TNFRSF6B: variants seen among roughly 807,000 people sequenced by gnomAD.
TNFRSF6B encodes tumor necrosis factor receptor superfamily member 6B.
In TNFRSF6B, 23 loss-of-function variants were observed where a neutral mutation model predicts 17.9. The observed-to-expected ratio is 1.28, with a 90% CI of 0.92 to 1.82. The LOEUF is 1.82. Among genes scored for constraint, TNFRSF6B ranks in the 40% most tolerant of loss-of-function variants. The probability of loss-of-function intolerance (pLI) is 0.00; values close to 1 mark genes in which losing one functional copy is unlikely to be tolerated. For missense variants in TNFRSF6B, 555 were observed against 437.2 expected (o/e 1.27, Z -2.40); for synonymous variants, 291 against 195.8 (o/e 1.49, Z -4.06).
At position 63,697,190 on chromosome 20, in the gene TNFRSF6B, G is replaced by C; in HGVS notation, c.423G>C (p.Pro141=). 1.3e-6 allele frequency: 2 copies of C among 1,558,242 alleles called. No individual in the cohort carries two copies. Among genetic ancestry groups the C allele is most frequent in the African/African-American group, 1.4e-5 (1 of 73,698 alleles). ...CACCTGGTGCCGGCGTGATTGCCCC[G>C]GGTGAGAGCTGGGCGAGGGGAGGGG... The part of the protein sequence containing the change: ...SCPPGAGVIA[P]GTPSQNTQCQ... The change falls in exon 1 of 3, where the codon CCG becomes CCC. Residue 141 remains proline (P), a splice_region_variant and synonymous_variant. Coordinates refer to ENST00000369996, the MANE Select transcript of TNFRSF6B (RefSeq NM_003823.4).
Position 63,696,872 on chromosome 20 carries a change from C to T in TNFRSF6B, c.105C>T (p.Thr35=). The change falls in exon 1 of 3, where the codon ACC becomes ACT. Residue 35 remains threonine (T), a synonymous_variant. Coordinates refer to ENST00000369996, the MANE Select transcript of TNFRSF6B (RefSeq NM_003823.4). ...TACGCGGAGTGGCAGAAACACCCAC[C>T]TACCCCTGGCGGGACGCAGAGACAG... ...PAVRGVAETP[T]YPWRDAETGE... is the part of the protein sequence containing the mutation. 2 of 1,611,840 alleles carry T rather than the reference C, an allele frequency of 1.2e-6. No individual in the cohort carries two copies. Among genetic ancestry groups the T allele is most frequent in the South Asian group, 1.1e-5 (1 of 90,976 alleles).
intron 2 of TNFRSF6B, 73 bp downstream of exon 2, chr20:63,697,595 G>A (rs911153471): frequency 8.0e-5 from 114 of 1,427,206 alleles, no homozygotes; most frequent in Non-Finnish European, 9.7e-5. Flanking sequence ...GCCCCTGCAC[G>A]TGCATCTAGC....
In TNFRSF6B at chr20:63,698,670, A is replaced by C; in HGVS notation, c.*107A>C. On this transcript the variant is annotated 3_prime_UTR_variant, in exon 3 of 3. Transcript: ENST00000369996. ...GGTTTCTTAAAGCTTATTTTTATAA[A>C]GCTTTTTCATAAAACTGGTTGTAGT... 1 of 1,295,704 alleles carries C rather than the reference A, an allele frequency of 7.7e-7. No homozygotes were observed. Among genetic ancestry groups the C allele is most frequent in the East Asian group, 3.1e-5 (1 of 32,222 alleles). The allele number at this position is 1,295,704 out of a possible 1,614,324, so 80.3% of individuals were successfully genotyped here.
In TNFRSF6B at chr20:63,697,421, A is replaced by G. The variant is rs766896651; in HGVS notation, c.518A>G (p.Asn173Ser). 18 of 1,609,578 alleles carry G rather than the reference A, an allele frequency of 1.1e-5. No homozygotes were observed. The highest frequency in any genetic ancestry group is 1.4e-5 in the Non-Finnish European group (17 of 1,178,796). Residue 173 changes from asparagine (N) to serine (S), a missense_variant, in exon 2 of 3, where the codon AAC becomes AGC. Physicochemically the swap from Asn to Ser is conservative, Grantham distance 46 (BLOSUM62 1). Transcript: ENST00000369996. The stretch of plus-strand genomic sequence containing the variant: ...TCAGAGCAGTGCCAGCCCCACCGCA[A>G]CTGCACGGCCCTGGGCCTGGCCCTC... ...SSSEQCQPHR[N>S]CTALGLALNV...
intron 2 of TNFRSF6B, 133 bp from the exon 3 acceptor site, chr20:63,698,147 C>T (rs1467543256): frequency 2.5e-6 from 3 of 1,195,118 alleles, no homozygotes; most frequent in Non-Finnish European, 3.4e-6. Context: ...CCCTCTCCAG[C>T]ACGGCTCACT....
In TNFRSF6B at chr20:63,696,661, C is replaced by G; in HGVS notation, c.-107C>G. On this transcript the variant is annotated 5_prime_UTR_variant, in exon 1 of 3. Coordinates refer to ENST00000369996, the MANE Select transcript of TNFRSF6B (RefSeq NM_003823.4). Reference sequence around the variant, plus strand: ...AGCAGGATGGGCTTCTGGACTTGGGCGGCCCCTCCGCAGGCGGACCGGGGG... The same window carrying G: ...AGCAGGATGGGCTTCTGGACTTGGGGGGCCCCTCCGCAGGCGGACCGGGGG... 7.8e-7 allele frequency: 1 copy of G among 1,275,500 alleles called. No individual in the cohort carries two copies. The allele number at this position is 1,275,500 out of a possible 1,614,324, so 79.0% of individuals were successfully genotyped here. A position where few individuals can be genotyped will look rare whatever the true frequency, so the allele number is the denominator to read the frequency against.
chr20:63,698,013 C>T (rs2091020912), intron 2 of TNFRSF6B, among the ~76,000 whole-genome samples: 1 of 152,150 alleles, frequency 6.6e-6, no homozygotes, highest in Non-Finnish European at 1.5e-5. Context: ...AGCCCCAAGC[C>T]CTTGCCTGGG....
intron 2 of TNFRSF6B, 71 bp from the exon 3 acceptor site, chr20:63,698,209 G>T: frequency 6.4e-7 from 1 of 1,567,348 alleles, no homozygotes. Flanking sequence ...CCAGAAAGCA[G>T]GGTACCTGGC....
chr20:63,698,316 T>TG lies in TNFRSF6B; in HGVS notation c.658dup (p.Ala220GlyfsTer75). ...TGTGAGCGTGCCGTCATCGACTTTG[T>TG]GGCTTTCCAGGACATCTCCATCAAG... On this transcript the variant is annotated frameshift_variant, in exon 3 of 3. Coordinates refer to ENST00000369996, the MANE Select transcript of TNFRSF6B (RefSeq NM_003823.4). LOFTEE classifies it low-confidence loss of function (END_TRUNC). 6.2e-7 allele frequency: 1 copy of TG among 1,611,198 alleles called. No individual in the cohort carries two copies. Among genetic ancestry groups the TG allele is most frequent in the Non-Finnish European group, 8.5e-7 (1 of 1,179,328 alleles).
Position 63,698,396 on chromosome 20 carries a change from C to T in TNFRSF6B, c.736C>T (p.Pro246Ser), listed in dbSNP as rs1374457890. ...GGCCCCGGAGGGCTGGGGTCCGACA[C>T]CAAGGGCGGGCCGCGCGGCCTTGCA... ...LEAPEGWGPT[P>S]RAGRAALQLK... Residue 246 changes from proline to serine, a missense_variant, in exon 3 of 3, where the codon CCA becomes TCA. Physicochemically the swap from Pro to Ser is moderately conservative, Grantham distance 74 (BLOSUM62 -1). Transcript: ENST00000369996. 6.2e-7 allele frequency: 1 copy of T among 1,601,850 alleles called. No homozygotes were observed. The highest frequency in any genetic ancestry group is 1.1e-5 in the South Asian group (1 of 90,226).
rs1226968635 is a variant in TNFRSF6B, at chr20:63,698,652, T to TAA, written c.*91_*92dup. On this transcript the variant is annotated 3_prime_UTR_variant, in exon 3 of 3. Transcript: ENST00000369996. The stretch of plus-strand genomic sequence containing the variant: ...TTTAAATAGAAGAAATGAGGTTTCT[T>TAA]AAAGCTTATTTTTATAAAGCTTTTT... 2 of 1,330,812 alleles carry TAA rather than the reference T, an allele frequency of 1.5e-6. No homozygotes were observed. The highest frequency in any genetic ancestry group is 3.1e-5 in the African/African-American group (2 of 63,634). The allele number at this position is 1,330,812 out of a possible 1,614,324, so 82.4% of individuals were successfully genotyped here.
rs2090992358 is a variant in TNFRSF6B at position 63,696,877 on chromosome 20, C to A, written c.110C>A (p.Pro37His). The A allele has an allele frequency of 6.2e-7, 1 of 1,611,838 alleles. No homozygotes were observed. Among genetic ancestry groups the A allele is most frequent in the East Asian group, 2.2e-5 (1 of 44,848 alleles). ...GGAGTGGCAGAAACACCCACCTACCCCTGGCGGGACGCAGAGACAGGGGAG... is the reference window on the plus strand; with the variant it reads ...GGAGTGGCAGAAACACCCACCTACCACTGGCGGGACGCAGAGACAGGGGAG... ...VRGVAETPTY[P>H]WRDAETGERL... is the part of the protein sequence containing the mutation. The change falls in exon 1 of 3, where the codon CCC becomes CAC. Residue 37 changes from proline to histidine, a missense_variant. Physicochemically the swap from Pro to His is moderately conservative, Grantham distance 77. Transcript: ENST00000369996.
At chr20:63,698,215 C>G (rs1203095072) in intron 2 of TNFRSF6B, 65 bp from the exon 3 acceptor site, 2 of 1,579,348 alleles carry the variant, frequency 1.3e-6, no homozygotes, top group Non-Finnish European at 1.7e-6. Context: ...AGCAGGGTAC[C>G]TGGCAGCCCC....
In TNFRSF6B at chr20:63,697,038, T is replaced by C. The variant is rs1438941930; in HGVS notation, c.271T>C (p.Cys91Arg). Residue 91 changes from cysteine (C) to arginine (R), a missense_variant, in exon 1 of 3, where the codon TGC becomes CGC. Coordinates refer to ENST00000369996, the MANE Select transcript of TNFRSF6B (RefSeq NM_003823.4). ...FWNYLERCRY[C>R]NVLCGEREEE... ...GAACTACCTAGAGCGCTGCCGCTAC[T>C]GCAACGTCCTCTGCGGGGAGCGTGA... 1 of 1,607,530 alleles carries C rather than the reference T, an allele frequency of 6.2e-7. No individual in the cohort carries two copies. The highest frequency in any genetic ancestry group is 8.5e-7 in the Non-Finnish European group (1 of 1,179,068).
In TNFRSF6B at chr20:63,697,363, C is replaced by A. The variant is rs1423654597; in HGVS notation, c.460C>A (p.Pro154Thr). ...CCAGAACACGCAGTGCCAGCCGTGC[C>A]CCCCAGGCACCTTCTCAGCCAGCAG... Reference protein sequence around the residue: ...PSQNTQCQPCPPGTFSASSSS... With the variant: ...PSQNTQCQPCTPGTFSASSSS... Residue 154 changes from proline (P) to threonine (T), a missense_variant, in exon 2 of 3, where the codon CCC becomes ACC. By Grantham distance (38) the Pro-to-Thr change is conservative. Coordinates refer to ENST00000369996, the MANE Select transcript of TNFRSF6B (RefSeq NM_003823.4). 2.5e-6 allele frequency: 4 copies of A among 1,612,106 alleles called. No individual in the cohort carries two copies. Among genetic ancestry groups the A allele is most frequent in the Admixed American group, 3.3e-5 (2 of 59,930 alleles).
chr20:63,698,217 G>T (rs2091027068), intron 2 of TNFRSF6B, 63 bp from the exon 3 acceptor site: 5 of 1,581,396 alleles, frequency 3.2e-6, no homozygotes, highest in South Asian at 1.1e-5. Context: ...CAGGGTACCT[G>T]GCAGCCCCCG....
rs1473984071 is a variant in TNFRSF6B at position 63,697,096 on chromosome 20, A to G, written c.329A>G (p.Asn110Ser). The G allele has an allele frequency of 1.3e-6, 2 of 1,597,506 alleles. No homozygotes were observed. Among genetic ancestry groups the G allele is most frequent in the South Asian group, 1.1e-5 (1 of 90,040 alleles). Residue 110 changes from asparagine to serine, a missense_variant, in exon 1 of 3, where the codon AAC (asparagine) becomes AGC (serine). By Grantham distance (46) the Asn-to-Ser change is conservative. Coordinates refer to ENST00000369996, the MANE Select transcript of TNFRSF6B (RefSeq NM_003823.4). The part of the protein sequence containing the change: ...EEARACHATH[N>S]RACRCRTGFF... The stretch of plus-strand genomic sequence containing the variant: ...GCACGGGCTTGCCACGCCACCCACA[A>G]CCGTGCCTGCCGCTGCCGCACCGGC...
intron 2 of TNFRSF6B, 42 bp from the exon 3 acceptor site, chr20:63,698,238 T>C (rs1476309584): frequency 6.2e-7 from 1 of 1,602,032 alleles, no homozygotes; most frequent in South Asian, 1.1e-5. Flanking sequence ...CCAGTGTGTG[T>C]GGGTGAAATG....
chr20:63,697,074 C>T lies in TNFRSF6B; in HGVS notation c.307C>T (p.Arg103Trp), dbSNP rs372873262. The T allele has an allele frequency of 1.9e-5, 30 of 1,605,614 alleles. No homozygotes were observed. The highest frequency in any genetic ancestry group is 5.0e-5 in the Admixed American group (3 of 59,742). ...VLCGEREEEARACHATHNRAC... is the reference protein window; with the variant it reads ...VLCGEREEEAWACHATHNRAC... ...CTGCGGGGAGCGTGAGGAGGAGGCA[C>T]GGGCTTGCCACGCCACCCACAACCG... The change falls in exon 1 of 3, where the codon CGG (arginine) becomes TGG (tryptophan). Residue 103 changes from arginine (R) to tryptophan (W), a missense_variant. Physicochemically the swap from Arg to Trp is moderately radical, Grantham distance 101. Coordinates refer to ENST00000369996, the MANE Select transcript of TNFRSF6B (RefSeq NM_003823.4).
Sources: allele counts gnomAD v4.1 joint callset (sites outside exome capture counted in the v4.1 genomes callset), GRCh38; gene constraint gnomAD v4.1.1; transcripts MANE v1.5; gene names NCBI Gene and HGNC (gene_info 2026-07-23, HGNC 2026-07-21).